Variants in ANKRD62 observed in about 807,000 individuals in gnomAD.
The protein encoded by ANKRD62 is ankyrin repeat domain 62.
ANKRD62 carries 61 observed loss-of-function variants against 98.8 expected under a neutral mutation model. The observed-to-expected ratio is 0.62, with a 90% CI of 0.50 to 0.76. ANKRD62 has a LOEUF of 0.76. Among genes scored for constraint, ANKRD62 ranks in the 30% least tolerant of loss-of-function variants. The pLI, the probability that ANKRD62 is intolerant of heterozygous loss-of-function variation, is 0.00. For synonymous variants in ANKRD62, 341 were observed against 367.9 expected, an observed-to-expected ratio of 0.93 and a Z score of 0.84; for missense variants, 933 against 1,082.9, an observed-to-expected ratio of 0.86 and a Z score of 1.94.
At chr18:12,104,470 G>A (rs1269980673) in intron 7 of ANKRD62, among the ~76,000 whole-genome samples, 1 of 152,074 alleles carries the variant, frequency 6.6e-6, no homozygotes, top group African/African-American at 2.4e-5. Context: ...AAGTGAACAA[G>A]TATTGTAATA....
intron 5 of ANKRD62, chr18:12,098,442 C>T (rs1909229465): frequency 6.6e-6 from 1 of 152,286 alleles, no homozygotes; most frequent in African/African-American, 2.4e-5. Context: ...TGCTTCGCGG[C>T]ACATATGCTA....
the ANKRD62 span, among the ~76,000 whole-genome samples, chr18:12,137,513 T>G: frequency 6.6e-6 from 1 of 152,192 alleles, no homozygotes; most frequent in African/African-American, 2.4e-5. Flanking sequence ...AATTCTCTTT[T>G]TTGGTTGTGT....
intron 5 of ANKRD62, among the ~76,000 whole-genome samples, chr18:12,098,090 G>T (rs915007814): frequency 1.3e-5 from 2 of 152,180 alleles, no homozygotes; most frequent in Non-Finnish European, 2.9e-5. Flanking sequence ...AGATAGTGTT[G>T]CAGGAAGATA....
Position 12,096,321 on chromosome 18 carries a change from T to A in ANKRD62, c.614+19T>A. The A allele has an allele frequency of 6.9e-7, 1 of 1,439,452 alleles. No individual in the cohort carries two copies. The allele number at this position is 1,439,452 out of a possible 1,614,324, so 89.2% of individuals were successfully genotyped here. ...TTGGAAGGTACAGTAGTTCTTTTTT[T>A]GTTCATTTTTAAACCTGAGTGGTGT... is the stretch of plus-strand genomic sequence containing the variant. On this transcript the variant is annotated intron_variant, in intron 4 of 13. Coordinates refer to ENST00000587848, the MANE Select transcript of ANKRD62 (RefSeq NM_001277333.2).
At chr18:12,164,939 G>A in the ANKRD62 span, among the ~76,000 whole-genome samples, 1 of 151,880 alleles carries the variant, frequency 6.6e-6, no homozygotes, top group Non-Finnish European at 1.5e-5. Context: ...AATAATATTT[G>A]CTTTATATAT....
the ANKRD62 span, among the ~76,000 whole-genome samples, chr18:12,178,131 C>G: frequency 6.6e-6 from 1 of 151,464 alleles, no homozygotes; most frequent in Non-Finnish European, 1.5e-5. Context: ...ACTTTTTACC[C>G]AAATTTGAGA....
Position 12,126,277 on chromosome 18 carries a change from A to G in ANKRD62, c.2456A>G (p.Gln819Arg). 1 of 1,535,980 alleles carries G rather than the reference A, an allele frequency of 6.5e-7. No individual in the cohort carries two copies. The highest frequency in any genetic ancestry group is 1.4e-5 in the African/African-American group (1 of 73,156). The change falls in exon 13 of 14, where the codon CAA (glutamine) becomes CGA (arginine). Residue 819 changes from glutamine (Q) to arginine (R), a missense_variant. Transcript: ENST00000587848. ...VKCEDTVEKL[Q>R]AECRKLEENN... is the part of the protein sequence containing the mutation. Reference sequence around the variant, plus strand: ...TGTGAAGATACTGTAGAAAAACTTCAAGCTGAGTGTAGAAAGCTAGAAGAG... The same window carrying G: ...TGTGAAGATACTGTAGAAAAACTTCGAGCTGAGTGTAGAAAGCTAGAAGAG...
chr18:12,175,126 C>T, the ANKRD62 span, among the ~76,000 whole-genome samples: 6 of 152,180 alleles, frequency 3.9e-5, no homozygotes, highest in Non-Finnish European at 5.9e-5. Context: ...CTGCTGCTGG[C>T]GACTGTGTAT....
chr18:12,101,139 T>C (rs1909291910), intron 6 of ANKRD62, among the ~76,000 whole-genome samples: 1 of 152,242 alleles, frequency 6.6e-6, no homozygotes, highest in African/African-American at 2.4e-5. Context: ...AAAAACACTT[T>C]TTTTTTGCAA....
At chr18:12,103,362 T>C in intron 7 of ANKRD62, 134 bp downstream of exon 7, 1 of 515,622 alleles carries the variant, frequency 1.9e-6, no homozygotes, top group Non-Finnish European at 3.0e-6. Context: ...ACATTTTAAC[T>C]GTTTATAAAA....
chr18:12,171,030 T>A, the ANKRD62 span, among the ~76,000 whole-genome samples: 1 of 151,826 alleles, frequency 6.6e-6, no homozygotes, highest in South Asian at 2.1e-4. Flanking sequence ...CGTATGTGTG[T>A]CTCTGCACGT....
chr18:12,169,880 T>G, the ANKRD62 span, among the ~76,000 whole-genome samples: 48 of 152,344 alleles, frequency 3.2e-4, no homozygotes, highest in Middle Eastern at 3.4e-3. Context: ...GTCCAGGAAT[T>G]TATCCATTTC....
intron 5 of ANKRD62, 150 bp downstream of exon 5, chr18:12,097,927 C>T: frequency 2.2e-6 from 2 of 915,180 alleles, no homozygotes; most frequent in South Asian, 1.9e-5. Flanking sequence ...AGAAATCAAG[C>T]ATAAGACTAG....
the ANKRD62 span, among the ~76,000 whole-genome samples, chr18:12,178,444 T>A: frequency 7.0e-6 from 1 of 142,976 alleles, no homozygotes; most frequent in Non-Finnish European, 1.5e-5. Flanking sequence ...AGAGGAGTAA[T>A]GTGATCAGAT....
chr18:12,126,641 C>T (rs181590537), intron 13 of ANKRD62, among the ~76,000 whole-genome samples: 1 of 152,258 alleles, frequency 6.6e-6, no homozygotes, highest in Admixed American at 6.5e-5. Context: ...TATAGACTAA[C>T]ATTTATAATG....
intron 6 of ANKRD62, chr18:12,101,871 A>G (rs1380181111): frequency 7.7e-6 from 5 of 646,436 alleles, no homozygotes; most frequent in Non-Finnish European, 2.8e-6. Flanking sequence ...TGATTAAGAG[A>G]AGAAGGCTGT....
chr18:12,172,601 C>T, the ANKRD62 span, among the ~76,000 whole-genome samples: 311 of 152,288 alleles, frequency 2.0e-3, 2 homozygotes, highest in African/African-American at 7.0e-3. Context: ...GCAGTCTGTC[C>T]GTTCTCAGAT....
chr18:12,097,564 G>C (rs1008198574), intron 4 of ANKRD62, 76 bp from the exon 5 acceptor site: 99 of 1,410,262 alleles, frequency 7.0e-5, no homozygotes, highest in Non-Finnish European at 8.5e-5. Flanking sequence ...ATATTAAATT[G>C]GTAAAGTTTA....
intron 8 of ANKRD62, among the ~76,000 whole-genome samples, chr18:12,108,369 A>G (rs1909461186): frequency 6.6e-6 from 1 of 152,210 alleles, no homozygotes; most frequent in Non-Finnish European, 1.5e-5. Context: ...AGGCGGTAGG[A>G]GAGAGTGAGA....
Sources: allele counts gnomAD v4.1 joint callset (sites outside exome capture counted in the v4.1 genomes callset), GRCh38; gene constraint gnomAD v4.1.1; transcripts MANE v1.5; gene names NCBI Gene and HGNC (gene_info 2026-07-23, HGNC 2026-07-21).